The following SLCO2B1 variants were observed in gnomAD, a reference collection of about 807,000 sequenced individuals.
The protein encoded by SLCO2B1 is OATP-RP2.
In SLCO2B1, 41 loss-of-function variants were observed where a neutral mutation model predicts 67.3. The observed-to-expected ratio is 0.61, with a 90% CI of 0.47 to 0.79. The LOEUF is 0.79. SLCO2B1 is among the 30% of genes least tolerant of loss of function. The pLI, the probability that SLCO2B1 is intolerant of heterozygous loss-of-function variation, is 0.00. For missense variants in SLCO2B1, 837 were observed against 920.1 expected (o/e 0.91, Z 1.17); for synonymous variants, 379 against 381.4 (o/e 0.99, Z 0.07).
chr11:75,176,424 G>T (rs1382727626), intron 7 of SLCO2B1, among the ~76,000 whole-genome samples: 1 of 152,176 alleles, frequency 6.6e-6, no homozygotes, highest in Non-Finnish European at 1.5e-5. Flanking sequence ...GAGTCTGTTT[G>T]TCTGTTATTT....
chr11:75,167,267 C>T (rs528531468), intron 4 of SLCO2B1, among the ~76,000 whole-genome samples: 14 of 152,256 alleles, frequency 9.2e-5, no homozygotes, highest in South Asian at 8.3e-4. Context: ...TCTAGGCCTG[C>T]GTGGAAACTT....
At position 75,163,970 on chromosome 11, in the gene SLCO2B1, T is replaced by C. The variant is rs1949855267; in HGVS notation, c.155T>C (p.Val52Ala). 6.2e-7 allele frequency: 1 copy of C among 1,600,064 alleles called. No individual in the cohort carries two copies. Among genetic ancestry groups the C allele is most frequent in the African/African-American group, 1.3e-5 (1 of 74,516 alleles). ...CTCCGGGTCCCCCCACAGCTGTTCGTTCTGTGCCACAGCCTGCTGCAGCTG... is the reference window on the plus strand; with the variant it reads ...CTCCGGGTCCCCCCACAGCTGTTCGCTCTGTGCCACAGCCTGCTGCAGCTG... The part of the protein sequence containing the change: ...PSVFHNIKLF[V>A]LCHSLLQLAQ... The change falls in exon 3 of 14, where the codon GTT becomes GCT. Residue 52 changes from valine to alanine, a missense_variant. By Grantham distance (64) the Val-to-Ala change is moderately conservative (BLOSUM62 0). Coordinates refer to ENST00000289575, the MANE Select transcript of SLCO2B1 (RefSeq NM_007256.5).
chr11:75,203,074 C>G, intron 12 of SLCO2B1, 109 bp downstream of exon 12: 1 of 1,193,788 alleles, frequency 8.4e-7, no homozygotes, highest in Non-Finnish European at 1.3e-6. Flanking sequence ...GATCTTAGGG[C>G]TCACAAGCTC....
chr11:75,172,572 A>C lies in SLCO2B1; in HGVS notation c.972+3A>C. ...TCACAGACTCACCTGCCAGGAAGGT[A>C]AGCTCCCTCCATGTCACCTGACTGG... On this transcript the variant is annotated splice_donor_region_variant and intron_variant, in intron 7 of 13. Coordinates refer to ENST00000289575, the MANE Select transcript of SLCO2B1 (RefSeq NM_007256.5). 5 of 1,612,766 alleles carry C rather than the reference A, an allele frequency of 3.1e-6. No individual in the cohort carries two copies. The highest frequency in any genetic ancestry group is 4.2e-6 in the Non-Finnish European group (5 of 1,179,070).
chr11:75,204,853 G>T lies in SLCO2B1; in HGVS notation c.*273G>T. On this transcript the variant is annotated 3_prime_UTR_variant, in exon 14 of 14. Coordinates refer to ENST00000289575, the MANE Select transcript of SLCO2B1 (RefSeq NM_007256.5). ...AGCCAGCCAGCTGTCCTGGGGCCAG[G>T]CTTTCCTGGGTGGAAAGAAGTATAC... The T allele has an allele frequency of 3.6e-6, 1 of 281,176 alleles. No homozygotes were observed. Among genetic ancestry groups the T allele is most frequent in the Non-Finnish European group, 6.6e-6 (1 of 151,110 alleles). 17.4% of individuals were successfully genotyped at this position (281,176 alleles called of 1,614,324 possible).
chr11:75,191,382 T>G (rs1189304716), intron 8 of SLCO2B1, among the ~76,000 whole-genome samples: 1 of 152,174 alleles, frequency 6.6e-6, no homozygotes, highest in East Asian at 1.9e-4. Context: ...AGCAGCTACC[T>G]GGGGTCAGAG....
At chr11:75,169,846 G>A (rs753023751) in intron 6 of SLCO2B1, 82 bp downstream of exon 6, 7 of 1,165,834 alleles carry the variant, frequency 6.0e-6, no homozygotes, top group South Asian at 2.5e-5. Flanking sequence ...AGGGGACCTC[G>A]GTTCAAATCC....
At chr11:75,153,796 C>T (rs559224502) in intron 1 of SLCO2B1, among the ~76,000 whole-genome samples, 1 of 152,032 alleles carries the variant, frequency 6.6e-6, no homozygotes, top group Non-Finnish European at 1.5e-5. Flanking sequence ...AGGTTAGGCA[C>T]ATGGACTTTT....
At chr11:75,151,498 G>A in intron 1 of SLCO2B1, 101 bp downstream of exon 1, 1 of 1,267,212 alleles carries the variant, frequency 7.9e-7, no homozygotes, top group Admixed American at 1.8e-5. Context: ...GGTGGGATGG[G>A]TGCTCACAGC....
intron 2 of SLCO2B1, among the ~76,000 whole-genome samples, chr11:75,163,631 A>G (rs1467590803): frequency 1.3e-5 from 2 of 152,116 alleles, no homozygotes; most frequent in African/African-American, 2.4e-5. Flanking sequence ...TGGCTCTTCA[A>G]TAGCCCCCAG....
chr11:75,200,120 G>A lies in SLCO2B1; in HGVS notation c.1600-104G>A, dbSNP rs924917920. The A allele has an allele frequency of 6.5e-6, 8 of 1,231,524 alleles. No individual in the cohort carries two copies. In the African/African-American group the frequency reaches 1.1e-4, roughly 16 times the overall value. The allele number at this position is 1,231,524 out of a possible 1,614,324, so 76.3% of individuals were successfully genotyped here. On this transcript the variant is annotated intron_variant, in intron 10 of 13. Coordinates refer to ENST00000289575, the MANE Select transcript of SLCO2B1 (RefSeq NM_007256.5). ...CTCCCAGCCAGCTCTACCCCAACTGGCTGTGGAACTTGGGCCTCTCACAAG... is the reference window on the plus strand; with the variant it reads ...CTCCCAGCCAGCTCTACCCCAACTGACTGTGGAACTTGGGCCTCTCACAAG...
chr11:75,193,999 G>C lies in SLCO2B1; in HGVS notation c.1433+424G>C, dbSNP rs1945065678. 6.6e-6 allele frequency among the ~76,000 whole-genome samples: 1 copy of C among 152,192 alleles called. No homozygotes were observed. The highest frequency in any genetic ancestry group is 1.5e-5 in the Non-Finnish European group (1 of 68,030). ...CATGCTCTCCATCCTGGGGACGAGA[G>C]GGGATGAGAGGGTGAGCAAGGGACT... On this transcript the variant is annotated intron_variant, in intron 9 of 13. Transcript: ENST00000289575. This position sits in a 1 kb window ranked among gnomAD's most constrained non-coding sequence, Gnocchi z 4.2.
chr11:75,159,903 A>T, intron 1 of SLCO2B1: 1 of 982,392 alleles, frequency 1.0e-6, no homozygotes, highest in African/African-American at 1.7e-5. Flanking sequence ...CACCTGAGGC[A>T]GGTGAGCAGG....
chr11:75,189,429 T>C (rs369323895), intron 8 of SLCO2B1, among the ~76,000 whole-genome samples: 1 of 152,216 alleles, frequency 6.6e-6, no homozygotes, highest in Non-Finnish European at 1.5e-5. Flanking sequence ...AGACGAAACA[T>C]GGAAAGCCTC....
rs1335747101 is a variant in SLCO2B1 at position 75,169,381 on chromosome 11, C to G, written c.657C>G (p.His219Gln). Reference sequence around the variant, plus strand: ...TCTCCTACATCGATGACTTTGCCCACAACAGCAACTCGCCCCTCTACCTCG... The same window carrying G: ...TCTCCTACATCGATGACTTTGCCCAGAACAGCAACTCGCCCCTCTACCTCG... ...FGISYIDDFA[H>Q]NSNSPLYLGI... The change falls in exon 5 of 14, where the codon CAC (histidine) becomes CAG (glutamine). Residue 219 changes from histidine to glutamine, a missense_variant. Coordinates refer to ENST00000289575, the MANE Select transcript of SLCO2B1 (RefSeq NM_007256.5). The G allele has an allele frequency of 3.7e-6, 6 of 1,604,694 alleles. No homozygotes were observed. The highest frequency in any genetic ancestry group is 5.1e-6 in the Non-Finnish European group (6 of 1,173,362).
At chr11:75,185,103 A>G (rs1032365621) in intron 7 of SLCO2B1, among the ~76,000 whole-genome samples, 17 of 152,372 alleles carry the variant, frequency 1.1e-4, no homozygotes, top group Admixed American at 4.6e-4. Flanking sequence ...GGGACAGGCC[A>G]GCCTTGAGCC....
chr11:75,170,518 C>T (rs1949946454), intron 6 of SLCO2B1, among the ~76,000 whole-genome samples: 1 of 152,178 alleles, frequency 6.6e-6, no homozygotes, highest in South Asian at 2.1e-4. Flanking sequence ...GCTCCCAACT[C>T]GTCGCACCAA....
rs200516413 is a variant in SLCO2B1, at chr11:75,169,724, C to T, written c.741C>T (p.Leu247=). The change falls in exon 6 of 14, where the codon CTC becomes CTT. Residue 247 remains leucine (L), a synonymous_variant. Coordinates refer to ENST00000289575, the MANE Select transcript of SLCO2B1 (RefSeq NM_007256.5). The stretch of plus-strand genomic sequence containing the variant: ...GCCTGGCCTTTGGGCTGGGCAGCCT[C>T]ATGCTGCGCCTTTATGTGGACATTA... ...GPGLAFGLGS[L]MLRLYVDINQ... 1.6e-5 allele frequency: 26 copies of T among 1,614,174 alleles called. No individual in the cohort carries two copies. The East Asian group carries it at 5.1e-4, about 32-fold the overall frequency.
Position 75,169,287 on chromosome 11 carries a change from T to G in SLCO2B1, c.563T>G (p.Val188Gly). ...TACACAGAAACCCAGCATCTGAGTGTGGTGGGGATCATGTTCGTGGCACAG... is the reference window on the plus strand; with the variant it reads ...TACACAGAAACCCAGCATCTGAGTGGGGTGGGGATCATGTTCGTGGCACAG... ...SSYTETQHLSVVGIMFVAQTL... is the reference protein window; with the variant it reads ...SSYTETQHLSGVGIMFVAQTL... The change falls in exon 5 of 14, where the codon GTG becomes GGG. Residue 188 changes from valine to glycine, a missense_variant. Physicochemically the swap from Val to Gly is moderately radical, Grantham distance 109 (BLOSUM62 -3). Coordinates refer to ENST00000289575, the MANE Select transcript of SLCO2B1 (RefSeq NM_007256.5). The G allele has an allele frequency of 1.2e-6, 2 of 1,614,092 alleles. No individual in the cohort carries two copies. Among genetic ancestry groups the G allele is most frequent in the Middle Eastern group, 3.3e-4 (2 of 6,062 alleles).
Sources: gnomAD v4.1 joint callset for allele counts (sites outside exome capture counted in the v4.1 genomes callset) on GRCh38, gnomAD v4.1.1 for gene constraint, Gnocchi (gnomAD v3.1) non-coding constraint, MANE v1.5 for transcripts, NCBI Gene and HGNC (gene_info 2026-07-23, HGNC 2026-07-21) for gene names.